The following ZPLD1 variants were observed in gnomAD, a reference collection of about 807,000 sequenced individuals.
The protein encoded by ZPLD1 is zona pellucida like domain containing 1, also known as zona pellucida-like domain-containing protein 1.
Under a neutral mutation model 47.2 loss-of-function variants are expected in ZPLD1, and 34 were observed. The ratio of observed to expected loss-of-function variants is 0.72; its 90% confidence interval spans 0.55 to 0.96. The LOEUF (loss-of-function observed/expected upper bound fraction) is 0.96, where lower values mean the gene tolerates loss of function less well. Among genes scored for constraint, ZPLD1 ranks in the 40% least tolerant of loss-of-function variants. The pLI, the probability that ZPLD1 is intolerant of heterozygous loss-of-function variation, is 0.00. For synonymous variants in ZPLD1, 176 were observed against 186.2 expected, an observed-to-expected ratio of 0.95 and a Z score of 0.45; for missense variants, 512 against 505.8, an observed-to-expected ratio of 1.01 and a Z score of -0.12.
intron 8 of ZPLD1, among the ~76,000 whole-genome samples, chr3:102,425,296 T>G (rs1706931046): frequency 6.6e-6 from 1 of 152,116 alleles, no homozygotes; most frequent in South Asian, 2.1e-4. Flanking sequence ...GAATCTTGGT[T>G]TTCATACTAT....
chr3:102,470,469 G>A lies in ZPLD1; in HGVS notation c.1009G>A (p.Val337Met), dbSNP rs1011365587. 3.1e-6 allele frequency: 5 copies of A among 1,613,898 alleles called. No homozygotes were observed. The Admixed American group carries it at 5.0e-5, about 16-fold the overall frequency. ...CCCCCAGAGCTCTTCTGGCAGCGCGGTGCTCTCTGCTGGTCCCATCATTAC... is the reference window on the plus strand; with the variant it reads ...CCCCCAGAGCTCTTCTGGCAGCGCGATGCTCTCTGCTGGTCCCATCATTAC... ...WSPQSSSGSA[V>M]LSAGPIITRS... is the part of the protein sequence containing the mutation. Residue 337 changes from valine to methionine, a missense_variant, in exon 10 of 12, where the codon GTG (valine) becomes ATG (methionine). Transcript: ENST00000466937.
intron 5 of ZPLD1, among the ~76,000 whole-genome samples, chr3:102,456,809 C>G (rs1276703058): frequency 6.6e-6 from 1 of 152,200 alleles, no homozygotes; most frequent in East Asian, 1.9e-4. Flanking sequence ...TGGCCATATG[C>G]TTTCACTGCT....
At chr3:102,454,789 G>T (rs1364032836) in intron 4 of ZPLD1, among the ~76,000 whole-genome samples, 1 of 152,216 alleles carries the variant, frequency 6.6e-6, no homozygotes, top group East Asian at 1.9e-4. Context: ...TTAAGAGGCG[G>T]AGGTTGCAGT....
chr3:102,437,120 A>G (rs919480609), intron 2 of ZPLD1, 147 bp downstream of exon 2: 2 of 234,248 alleles, frequency 8.5e-6, no homozygotes, highest in Non-Finnish European at 1.4e-5. Flanking sequence ...AAGAGCTCCT[A>G]GGGTCTGGGT....
At chr3:102,441,113 G>C (rs900968742) in intron 3 of ZPLD1, among the ~76,000 whole-genome samples, 1 of 152,098 alleles carries the variant, frequency 6.6e-6, no homozygotes, top group Admixed American at 6.5e-5. Flanking sequence ...GGGTGATCAA[G>C]CCATGACCCT....
At chr3:102,412,847 G>A (rs763516701) in intron 7 of ZPLD1, among the ~76,000 whole-genome samples, 1 of 151,668 alleles carries the variant, frequency 6.6e-6, no homozygotes, top group African/African-American at 2.4e-5. Flanking sequence ...ATATGAGTGT[G>A]TGTGTGTGCA....
At chr3:102,461,715 A>G (rs1037607359) in intron 6 of ZPLD1, among the ~76,000 whole-genome samples, 1 of 151,958 alleles carries the variant, frequency 6.6e-6, no homozygotes, top group Non-Finnish European at 1.5e-5. Context: ...AGTTTCTTCT[A>G]TTCTCCCTAG....
intron 3 of ZPLD1, among the ~76,000 whole-genome samples, chr3:102,448,205 C>T (rs752342179): frequency 4.6e-5 from 7 of 152,152 alleles, no homozygotes; most frequent in Non-Finnish European, 8.8e-5. Context: ...AATGTAACTG[C>T]ACATAAACTC....
At chr3:102,427,013 C>T (rs1031570855) in intron 8 of ZPLD1, among the ~76,000 whole-genome samples, 4 of 152,138 alleles carry the variant, frequency 2.6e-5, no homozygotes, top group African/African-American at 9.7e-5. Context: ...TCAACACCTT[C>T]CTGAGTAATG....
At chr3:102,418,227 G>A (rs1490757173) in intron 8 of ZPLD1, 2 of 152,440 alleles carry the variant, frequency 1.3e-5, no homozygotes, top group Non-Finnish European at 2.9e-5. Flanking sequence ...CAGCACTGAA[G>A]CCACCTGAAG....
intron 7 of ZPLD1, among the ~76,000 whole-genome samples, chr3:102,406,317 A>C (rs143367101): frequency 6.6e-6 from 1 of 151,962 alleles, no homozygotes; most frequent in Non-Finnish European, 1.5e-5. Context: ...TCTATGGCAT[A>C]AGCTTGACAC....
At chr3:102,414,495 A>T (rs879773482) in intron 7 of ZPLD1, among the ~76,000 whole-genome samples, 1 of 151,866 alleles carries the variant, frequency 6.6e-6, no homozygotes, top group Non-Finnish European at 1.5e-5. Flanking sequence ...TTTAAATTTA[A>T]TGCTTTGATT....
intron 6 of ZPLD1, among the ~76,000 whole-genome samples, 157 bp from the exon 7 acceptor site, chr3:102,462,124 C>T (rs1423905752): frequency 1.3e-5 from 2 of 152,060 alleles, no homozygotes. Flanking sequence ...AACAGTTCTG[C>T]CAAGAAACCA....
chr3:102,423,228 C>T (rs1706900987), intron 8 of ZPLD1, among the ~76,000 whole-genome samples: 1 of 152,052 alleles, frequency 6.6e-6, no homozygotes, highest in African/African-American at 2.4e-5. Flanking sequence ...GAGCATTATC[C>T]TTTCTTGGAA....
In ZPLD1 at chr3:102,396,010, C is replaced by T. The variant is rs577605533; in HGVS notation, c.-157+3785C>T. 2.6e-4 allele frequency among the ~76,000 whole-genome samples: 39 copies of T among 152,230 alleles called. 1 individual carries two copies. Among genetic ancestry groups the T allele is most frequent in the Admixed American group, 7.2e-4 (11 of 15,280 alleles). On this transcript the variant is annotated intron_variant, in intron 7 of 17. Transcript: ENST00000491959. Reference sequence around the variant, plus strand: ...TGATTTCTTTAGAGACAGATATTGTCATTTCAAGATGTTTTGTTTGCATTT... The same window carrying T: ...TGATTTCTTTAGAGACAGATATTGTTATTTCAAGATGTTTTGTTTGCATTT...
intron 4 of ZPLD1, among the ~76,000 whole-genome samples, chr3:102,455,252 T>C (rs534263606): frequency 6.9e-4 from 105 of 152,336 alleles, no homozygotes; most frequent in African/African-American, 2.3e-3. Flanking sequence ...TGCTCTCTTG[T>C]ATTTGACAAG....
chr3:102,433,782 G>T, upstream of ZPLD1, among the ~76,000 whole-genome samples: 1 of 152,154 alleles, frequency 6.6e-6, no homozygotes, highest in East Asian at 1.9e-4. Flanking sequence ...ACCCGCCTCG[G>T]CCTCCCAAAG....
intron 10 of ZPLD1, among the ~76,000 whole-genome samples, chr3:102,472,978 G>A (rs1707707431): frequency 6.6e-6 from 1 of 152,176 alleles, no homozygotes; most frequent in African/African-American, 2.4e-5. Flanking sequence ...TCACAATCAT[G>A]GCAGAAGGCA....
intron 7 of ZPLD1, among the ~76,000 whole-genome samples, chr3:102,396,946 C>T (rs904150298): frequency 6.6e-6 from 1 of 152,072 alleles, no homozygotes; most frequent in Admixed American, 6.6e-5. Flanking sequence ...TTCTAAAATG[C>T]AGATTTCTTG....
Sources: gnomAD v4.1 joint callset for allele counts (sites outside exome capture counted in the v4.1 genomes callset) on GRCh38, gnomAD v4.1.1 for gene constraint, MANE v1.5 for transcripts, NCBI Gene and HGNC (gene_info 2026-07-23, HGNC 2026-07-21) for gene names.